Variants in TSPAN16 observed in about 807,000 individuals in gnomAD.
TSPAN16 encodes the protein tetraspanin 16.
A neutral mutation model predicts 25.2 loss-of-function variants in TSPAN16; 23 were observed. That is an observed-to-expected ratio of 0.91 (90% CI 0.66 to 1.29). The LOEUF is 1.29. Ranked by LOEUF, TSPAN16 falls within the 50% of genes most tolerant of loss-of-function variation. The pLI is 0.00. For missense variants in TSPAN16, 272 were observed against 299.9 expected (o/e 0.91, Z 0.69); for synonymous variants, 123 against 124.4 (o/e 0.99, Z 0.08).
chr19:11,306,576 C>A (rs762293931), intron 4 of TSPAN16, 28 bp from the exon 5 acceptor site: 1 of 1,612,328 alleles, frequency 6.2e-7, no homozygotes, highest in Non-Finnish European at 8.5e-7. Flanking sequence ...GAAAGGGACT[C>A]TCCAAGTATT....
rs558745470 is a variant in TSPAN16, at chr19:11,298,858, C to T, written c.268-14C>T. The T allele has an allele frequency of 6.8e-5, 109 of 1,613,398 alleles. No individual in the cohort carries two copies. The highest frequency in any genetic ancestry group is 1.7e-4 in the Middle Eastern group (1 of 6,058). ...AGCAGGCTCCCAGGCCCTCTCTCCC[C>T]GTGTGTCTTTTAGTGCATCCTGTCA... On this transcript the variant is annotated splice_polypyrimidine_tract_variant and intron_variant, in intron 2 of 6. Coordinates refer to ENST00000590327, the MANE Select transcript of TSPAN16 (RefSeq NM_001282509.2).
rs1599355596 is a variant in TSPAN16, at chr19:11,325,662, G to A, written c.688-1132G>A. The A allele has an allele frequency of 9.3e-6, 13 of 1,401,978 alleles. 1 individual carries two copies. In the East Asian group the frequency reaches 3.0e-4, roughly 32 times the overall value. The allele number at this position is 1,401,978 out of a possible 1,614,324, so 86.8% of individuals were successfully genotyped here. A position where few individuals can be genotyped will look rare whatever the true frequency, so the allele number is the denominator to read the frequency against. ...TCAGCTGTGGCATCACAGAAACCTG[G>A]CTTCTAAGCCTAGTTCTGCTCTTTA... On this transcript the variant is annotated intron_variant, in intron 6 of 6. Transcript: ENST00000316737.
chr19:11,308,309 G>GT (rs58847139), intron 5 of TSPAN16, among the ~76,000 whole-genome samples: 65,021 of 151,524 alleles, frequency 0.43, 16,045 homozygotes, highest in African/African-American at 0.69. Context: ...AACAAATTTT[G>GT]TTTTTTTGAG....
At chr19:11,305,541 TAAAAATAAA>T (rs2080617002) in intron 4 of TSPAN16, among the ~76,000 whole-genome samples, 3 of 127,090 alleles carry the variant, frequency 2.4e-5, no homozygotes, top group African/African-American at 1.0e-4. Flanking sequence ...AAAAAAATAA[TAAAAATAAA>T]AATAAAAATA....
chr19:11,306,806 A>G (rs971556221), intron 5 of TSPAN16, 50 bp downstream of exon 5: 12 of 1,535,242 alleles, frequency 7.8e-6, no homozygotes, highest in Non-Finnish European at 9.7e-6. Context: ...AGGGCTGGTG[A>G]CTTCATTTTT....
At chr19:11,315,022 G>A (rs926814837) in intron 6 of TSPAN16, among the ~76,000 whole-genome samples, 1 of 148,926 alleles carries the variant, frequency 6.7e-6, no homozygotes, top group African/African-American at 2.5e-5. Context: ...GATCACCTGA[G>A]GTCAGGAGCT....
At chr19:11,301,063 C>G in intron 3 of TSPAN16, 138 bp from the exon 4 acceptor site, 1 of 671,168 alleles carries the variant, frequency 1.5e-6, no homozygotes, top group Admixed American at 2.4e-5. Flanking sequence ...CTAGCACAGA[C>G]CCCTGAGCTG....
intron 1 of TSPAN16, 129 bp downstream of exon 1, chr19:11,296,495 A>C: frequency 1.1e-6 from 1 of 925,810 alleles, no homozygotes; most frequent in East Asian, 2.5e-5. Context: ...AGCAGGAGGG[A>C]TGTAGGGCAG....
At chr19:11,306,787 A>G in intron 5 of TSPAN16, 31 bp downstream of exon 5, 1 of 1,601,644 alleles carries the variant, frequency 6.2e-7, no homozygotes, top group Non-Finnish European at 8.5e-7. Context: ...TTGCCTTGAC[A>G]GACCCCTGAG....
At chr19:11,315,621 C>G (rs887841899) in intron 6 of TSPAN16, among the ~76,000 whole-genome samples, 170 bp from the exon 7 acceptor site, 1 of 151,984 alleles carries the variant, frequency 6.6e-6, no homozygotes, top group African/African-American at 2.4e-5. Flanking sequence ...GACGAATGCA[C>G]TGTAACCACA....
At chr19:11,322,979 G>A (rs2080789300) in intron 6 of TSPAN16, 1 of 152,162 alleles carries the variant, frequency 6.6e-6, no homozygotes, top group Non-Finnish European at 1.5e-5. Flanking sequence ...GGGCGTGGTG[G>A]CAGGTGCCTG....
intron 6 of TSPAN16, chr19:11,325,581 G>A (rs148128282): frequency 2.5e-6 from 4 of 1,607,146 alleles, no homozygotes; most frequent in African/African-American, 1.3e-5. Context: ...CAAAGAACTC[G>A]AAACCTGGAT....
intron 6 of TSPAN16, among the ~76,000 whole-genome samples, chr19:11,325,976 T>C (rs2080810478): frequency 6.6e-6 from 1 of 151,986 alleles, no homozygotes; most frequent in Non-Finnish European, 1.5e-5. Context: ...ATCCCAGCAC[T>C]TTGGGAGGCC....
chr19:11,303,577 T>A (rs11881725), intron 4 of TSPAN16, among the ~76,000 whole-genome samples: 2,556 of 78,152 alleles, frequency 0.033, 73 homozygotes, highest in Middle Eastern at 0.043. Context: ...ATAAATAAAT[T>A]AAAAAAAAAA....
chr19:11,326,576 G>A (rs146977771), intron 6 of TSPAN16, among the ~76,000 whole-genome samples: 34 of 152,316 alleles, frequency 2.2e-4, no homozygotes, highest in African/African-American at 7.5e-4. Context: ...AGAAAGGCAT[G>A]GTCAGGAGAC....
downstream of TSPAN16, among the ~76,000 whole-genome samples, chr19:11,320,303 G>A (rs1490562288): frequency 2.0e-5 from 3 of 151,906 alleles, no homozygotes; most frequent in Non-Finnish European, 4.4e-5. Context: ...TATATTTTTA[G>A]TAGAGATGGG....
At chr19:11,309,315 G>T (rs2080664917) in intron 5 of TSPAN16, among the ~76,000 whole-genome samples, 1 of 152,160 alleles carries the variant, frequency 6.6e-6, no homozygotes, top group Non-Finnish European at 1.5e-5. Context: ...AATCAGCCAG[G>T]TTGAGTCCCA....
chr19:11,298,622 C>G (rs1470628606), intron 2 of TSPAN16, among the ~76,000 whole-genome samples: 1 of 151,928 alleles, frequency 6.6e-6, no homozygotes, highest in Non-Finnish European at 1.5e-5. Flanking sequence ...TTAGTAGAGA[C>G]GGGATTTTGC....
intron 1 of TSPAN16, among the ~76,000 whole-genome samples, chr19:11,297,160 T>C (rs979665022): frequency 6.6e-6 from 1 of 152,178 alleles, no homozygotes; most frequent in Non-Finnish European, 1.5e-5. Flanking sequence ...TCTTCACTTG[T>C]AACATTTTAA....
Sources: gnomAD v4.1 joint callset for allele counts (sites outside exome capture counted in the v4.1 genomes callset) on GRCh38, gnomAD v4.1.1 for gene constraint, MANE v1.5 for transcripts, NCBI Gene and HGNC (gene_info 2026-07-23, HGNC 2026-07-21) for gene names.